TPH2: variants seen among roughly 807,000 people sequenced by gnomAD.
The protein encoded by TPH2 is tryptophan 5-hydroxylase 2.
Under a neutral mutation model 59.1 loss-of-function variants are expected in TPH2, and 27 were observed. The observed-to-expected ratio is 0.46, with a 90% CI of 0.34 to 0.63. The LOEUF is 0.63. Among genes scored for constraint, TPH2 ranks in the 30% least tolerant of loss-of-function variants. The pLI is 0.01. For synonymous variants in TPH2, 220 were observed against 210.5 expected (o/e 1.05, Z -0.39); for missense variants, 523 against 588.3 (o/e 0.89, Z 1.15).
intron 5 of TPH2, among the ~76,000 whole-genome samples, chr12:71,960,598 T>G (rs1871651915): frequency 6.6e-6 from 1 of 152,152 alleles, no homozygotes; most frequent in Non-Finnish European, 1.5e-5. Flanking sequence ...TCCTTTTTGC[T>G]TTTTGGGCTT....
In TPH2 at chr12:71,939,014, A is replaced by G. The variant is rs746671781; in HGVS notation, c.28A>G (p.Ser10Gly). 7 of 1,614,172 alleles carry G rather than the reference A, an allele frequency of 4.3e-6. No homozygotes were observed. Among genetic ancestry groups the G allele is most frequent in the Non-Finnish European group, 5.9e-6 (7 of 1,180,034 alleles). Residue 10 changes from serine to glycine, a missense_variant, in exon 1 of 11, where the codon AGT (serine) becomes GGT (glycine). Physicochemically the swap from Ser to Gly is moderately conservative, Grantham distance 56. Coordinates refer to ENST00000333850, the MANE Select transcript of TPH2 (RefSeq NM_173353.4). ...GCAGCCAGCAATGATGATGTTTTCC[A>G]GTAAATACTGGGCACGGAGAGGGTT... The part of the protein sequence containing the change: MQPAMMMFS[S>G]KYWARRGFSL...
chr12:71,941,853 G>A, intron 2 of TPH2, 120 bp downstream of exon 2: 2 of 1,164,856 alleles, frequency 1.7e-6, no homozygotes, highest in Non-Finnish European at 2.6e-6. Flanking sequence ...AGATTCAAAG[G>A]AACCAAACTT....
At chr12:71,950,601 G>A (rs1345930711) in intron 5 of TPH2, among the ~76,000 whole-genome samples, 2 of 152,278 alleles carry the variant, frequency 1.3e-5, no homozygotes, top group East Asian at 3.9e-4. Context: ...ATAACTCATA[G>A]ATCATCACAA....
At chr12:72,009,064 C>A (rs1873030571) in intron 8 of TPH2, among the ~76,000 whole-genome samples, 1 of 152,086 alleles carries the variant, frequency 6.6e-6, no homozygotes, top group Admixed American at 6.5e-5. Flanking sequence ...AAAACAAAAA[C>A]AGAAACAAAA....
intron 8 of TPH2, among the ~76,000 whole-genome samples, chr12:71,995,615 C>T (rs535289114): frequency 5.9e-5 from 9 of 152,120 alleles, no homozygotes; most frequent in Non-Finnish European, 1.2e-4. Flanking sequence ...ATGCAGAAGC[C>T]ATCTAAATGG....
intron 7 of TPH2, among the ~76,000 whole-genome samples, chr12:71,987,935 C>T (rs1872485721): frequency 1.3e-5 from 2 of 152,058 alleles, no homozygotes; most frequent in African/African-American, 2.4e-5. Flanking sequence ...CTGTGCTGTC[C>T]AATATGGTGA....
At position 71,994,541 on chromosome 12, in the gene TPH2, T is replaced by C. The variant is rs772478895; in HGVS notation, c.1044T>C (p.Asp348=). ...EIGLASLGAS[D]EDVQKLATCY... Reference sequence around the variant, plus strand: ...GTCTGGCGTCTCTGGGAGCATCAGATGAAGATGTTCAGAAACTAGCCACGG... The same window carrying C: ...GTCTGGCGTCTCTGGGAGCATCAGACGAAGATGTTCAGAAACTAGCCACGG... Residue 348 remains aspartate (D), a synonymous_variant, in exon 8 of 11, where the codon GAT becomes GAC. Coordinates refer to ENST00000333850, the MANE Select transcript of TPH2 (RefSeq NM_173353.4). The C allele has an allele frequency of 1.9e-6, 3 of 1,613,976 alleles. No homozygotes were observed. Among genetic ancestry groups the C allele is most frequent in the Non-Finnish European group, 2.5e-6 (3 of 1,179,856 alleles).
chr12:71,971,577 T>C (rs1208843755), intron 5 of TPH2, among the ~76,000 whole-genome samples: 2 of 152,186 alleles, frequency 1.3e-5, no homozygotes, highest in Non-Finnish European at 2.9e-5. Flanking sequence ...GCTATTATAT[T>C]AGAGCACCAG....
chr12:71,948,722 G>A (rs1871266498), intron 4 of TPH2, among the ~76,000 whole-genome samples: 1 of 152,204 alleles, frequency 6.6e-6, no homozygotes. Context: ...CCAGGTTGCA[G>A]GGCTGTAGTG....
intron 8 of TPH2, among the ~76,000 whole-genome samples, chr12:72,001,373 G>A (rs2139227698): frequency 6.6e-6 from 1 of 152,050 alleles, no homozygotes; most frequent in African/African-American, 2.4e-5. Flanking sequence ...TAAAAGGAGG[G>A]ACCCATGGGC....
intron 4 of TPH2, among the ~76,000 whole-genome samples, chr12:71,945,108 T>C (rs1463723963): frequency 6.6e-6 from 1 of 152,060 alleles, no homozygotes; most frequent in Non-Finnish European, 1.5e-5. Context: ...TGACTGGAGG[T>C]AGTTAGGAGT....
intron 5 of TPH2, among the ~76,000 whole-genome samples, chr12:71,957,625 T>C (rs1439776895): frequency 1.3e-5 from 2 of 152,186 alleles, no homozygotes; most frequent in African/African-American, 4.8e-5. Flanking sequence ...TGTAAGCCAC[T>C]GCACCAGACT....
At chr12:72,014,613 A>G (rs1365587214) in intron 8 of TPH2, among the ~76,000 whole-genome samples, 1 of 150,786 alleles carries the variant, frequency 6.6e-6, no homozygotes, top group African/African-American at 2.4e-5. Context: ...CTGGTCTCAA[A>G]CTCCTGACCT....
At chr12:72,009,824 T>G (rs772268169) in intron 8 of TPH2, among the ~76,000 whole-genome samples, 1 of 152,192 alleles carries the variant, frequency 6.6e-6, no homozygotes, top group Non-Finnish European at 1.5e-5. Flanking sequence ...GAACACGATG[T>G]AAACATCAAT....
intron 5 of TPH2, among the ~76,000 whole-genome samples, chr12:71,966,609 T>TA (rs1871825735): frequency 6.6e-6 from 1 of 152,236 alleles, no homozygotes; most frequent in Non-Finnish European, 1.5e-5. Flanking sequence ...AATAAAATAG[T>TA]AAATGAGTTC....
chr12:71,968,895 C>G (rs1310318065), intron 5 of TPH2, among the ~76,000 whole-genome samples: 1 of 151,320 alleles, frequency 6.6e-6, no homozygotes, highest in Admixed American at 6.6e-5. Context: ...ATGTGGAGTC[C>G]TTACGTAACT....
rs1872002211 is a variant in TPH2 at position 71,972,556 on chromosome 12, GAAACTA to G, written c.652_657del (p.Lys218_Thr219del). 8.1e-6 allele frequency: 13 copies of G among 1,614,118 alleles called. No homozygotes were observed. Among genetic ancestry groups the G allele is most frequent in the Non-Finnish European group, 1.1e-5 (13 of 1,180,024 alleles). Reference sequence around the variant, plus strand: ...TCCCAGGGTGGAGTATACTGAAGAAGAAACTAAAACTTGGGGTGTTGTATTCCGGGA... The same window carrying G: ...TCCCAGGGTGGAGTATACTGAAGAAGAAACTTGGGGTGTTGTATTCCGGGA... On this transcript the variant is annotated inframe_deletion, in exon 6 of 11. Coordinates refer to ENST00000333850, the MANE Select transcript of TPH2 (RefSeq NM_173353.4).
chr12:71,980,857 C>T (rs6582074), intron 7 of TPH2, among the ~76,000 whole-genome samples: 88,422 of 152,032 alleles, frequency 0.58, 25,961 homozygotes, highest in African/African-American at 0.61. Flanking sequence ...GGCCAATTCA[C>T]TCAGCAAACA....
chr12:72,015,872 G>A (rs374504835), intron 8 of TPH2, among the ~76,000 whole-genome samples: 1 of 152,114 alleles, frequency 6.6e-6, no homozygotes, highest in Non-Finnish European at 1.5e-5. Context: ...AAAGAGATGG[G>A]GCAGTGTCAG....
Sources: gnomAD v4.1 joint callset for allele counts (sites outside exome capture counted in the v4.1 genomes callset) on GRCh38, gnomAD v4.1.1 for gene constraint, MANE v1.5 for transcripts, NCBI Gene and HGNC (gene_info 2026-07-23, HGNC 2026-07-21) for gene names.